Variants in MYO3A observed in about 807,000 individuals in gnomAD.
MYO3A encodes myosin IIIA, also known as myosin-IIIa.
In MYO3A, 180 loss-of-function variants were observed where a neutral mutation model predicts 192.7. That is an observed-to-expected ratio of 0.93 (90% confidence interval 0.83 to 1.06). The LOEUF (loss-of-function observed/expected upper bound fraction) is 1.06, where lower values mean the gene tolerates loss of function less well. Among genes scored for constraint, MYO3A ranks in the 50% least tolerant of loss-of-function variants. The probability of loss-of-function intolerance (pLI) is 0.00; values close to 1 mark genes in which losing one functional copy is unlikely to be tolerated. For synonymous variants in MYO3A, 628 were observed against 645.3 expected (o/e 0.97, Z 0.41); for missense variants, 1,896 against 1,905.0 (o/e 1.00, Z 0.09).
intron 14 of MYO3A, among the ~76,000 whole-genome samples, chr10:26,079,869 G>A (rs1416724850): frequency 1.3e-5 from 2 of 152,172 alleles, no homozygotes; most frequent in Non-Finnish European, 2.9e-5. Context: ...TAGCTTGTAA[G>A]GTTTCTGCTG....
intron 4 of MYO3A, among the ~76,000 whole-genome samples, chr10:25,957,746 C>T (rs1837648113): frequency 6.6e-6 from 1 of 152,166 alleles, no homozygotes; most frequent in African/African-American, 2.4e-5. Context: ...TGAAACCTCA[C>T]CAATATCTGT....
intron 2 of MYO3A, among the ~76,000 whole-genome samples, chr10:25,943,833 C>G (rs1483617186): frequency 6.8e-6 from 1 of 147,048 alleles, no homozygotes; most frequent in Non-Finnish European, 1.5e-5. Flanking sequence ...CATATAAGAT[C>G]AAATAGTCTG....
At chr10:26,189,869 G>A (rs543849709) in intron 31 of MYO3A, among the ~76,000 whole-genome samples, 1 of 151,920 alleles carries the variant, frequency 6.6e-6, no homozygotes, top group Non-Finnish European at 1.5e-5. Flanking sequence ...TCGAGACCAG[G>A]CTGGCTAACA....
intron 34 of MYO3A, 108 bp from the exon 35 acceptor site, chr10:26,211,735 G>C: frequency 1.3e-6 from 2 of 1,531,860 alleles, no homozygotes; most frequent in Non-Finnish European, 1.8e-6. Flanking sequence ...CTAAATGTCC[G>C]CGGTTGGCAG....
intron 4 of MYO3A, among the ~76,000 whole-genome samples, chr10:25,968,623 A>C (rs1423943508): frequency 6.6e-6 from 1 of 152,234 alleles, no homozygotes; most frequent in East Asian, 1.9e-4. Context: ...CAGAGGAGGA[A>C]AATTGGAAGT....
intron 17 of MYO3A, among the ~76,000 whole-genome samples, chr10:26,108,728 C>T (rs969911044): frequency 3.3e-5 from 5 of 152,182 alleles, no homozygotes; most frequent in Non-Finnish European, 7.3e-5. Flanking sequence ...TCAGTCTTGC[C>T]TTCTCTTTGA....
chr10:26,168,556 C>G (rs1286550276), intron 27 of MYO3A, among the ~76,000 whole-genome samples, 156 bp from the exon 28 acceptor site: 1 of 152,170 alleles, frequency 6.6e-6, no homozygotes, highest in Non-Finnish European at 1.5e-5. Context: ...GCATAAAAAT[C>G]TGTACTGTCA....
chr10:25,973,464 C>A (rs768339193), intron 4 of MYO3A, among the ~76,000 whole-genome samples: 2 of 152,004 alleles, frequency 1.3e-5, no homozygotes, highest in African/African-American at 2.4e-5. Context: ...ATTCAAATAC[C>A]CTTTATTTCT....
In MYO3A at chr10:26,142,688, A is replaced by C. The variant is rs1027622122; in HGVS notation, c.2263-760A>C. Among the ~76,000 whole-genome samples, 13 of 152,154 alleles carry C rather than the reference A, an allele frequency of 8.5e-5. 1 individual carries two copies. The highest frequency in any genetic ancestry group is 7.9e-4 in the Admixed American group (12 of 15,270). On this transcript the variant is annotated intron_variant, in intron 20 of 34. Coordinates refer to ENST00000642920, the MANE Select transcript of MYO3A (RefSeq NM_017433.5). ...CAAGTGGCAGAGCCGAGATGAACCTATGTGTCCTTGGTTCTAAATCCACTG... is the reference window on the plus strand; with the variant it reads ...CAAGTGGCAGAGCCGAGATGAACCTCTGTGTCCTTGGTTCTAAATCCACTG...
At chr10:25,964,274 A>G (rs74129517) in intron 4 of MYO3A, among the ~76,000 whole-genome samples, 2,771 of 152,280 alleles carry the variant, frequency 0.018, 95 homozygotes, top group African/African-American at 0.063. Context: ...TAGTTTACAC[A>G]TTGGAAAAGG....
chr10:26,133,998 A>G (rs892492349), intron 20 of MYO3A, among the ~76,000 whole-genome samples: 1 of 152,236 alleles, frequency 6.6e-6, no homozygotes, highest in Admixed American at 6.5e-5. Context: ...ATGCCTCCTT[A>G]TTCTAAGCTG....
At chr10:25,960,876 T>G (rs1837888327) in intron 4 of MYO3A, among the ~76,000 whole-genome samples, 1 of 152,178 alleles carries the variant, frequency 6.6e-6, no homozygotes, top group South Asian at 2.1e-4. Flanking sequence ...ACTGCATTTT[T>G]TATTTCTCTA....
intron 2 of MYO3A, among the ~76,000 whole-genome samples, chr10:25,942,737 A>G (rs762923487): frequency 1.3e-5 from 2 of 150,318 alleles, no homozygotes; most frequent in South Asian, 2.1e-4. Flanking sequence ...GACCATTTGT[A>G]TATATTATTT....
chr10:26,175,264 A>G lies in MYO3A; in HGVS notation c.4293+707A>G, dbSNP rs557269018. Among the ~76,000 whole-genome samples the G allele has an allele frequency of 7.2e-5, 11 of 152,334 alleles. 1 individual carries two copies. In the East Asian group the frequency reaches 1.9e-3, roughly 27 times the overall value. On this transcript the variant is annotated intron_variant, in intron 30 of 34. Transcript: ENST00000642920. ...AATTTATCTCCTATAAATTGGTGCT[A>G]TGGAAAGATCGCAAGAACCGGCTTC...
intron 14 of MYO3A, among the ~76,000 whole-genome samples, chr10:26,071,785 G>C (rs1189123678): frequency 6.6e-6 from 1 of 152,142 alleles, no homozygotes; most frequent in Admixed American, 6.5e-5. Context: ...AGTATCATTT[G>C]GGAATGCAAG....
intron 15 of MYO3A, among the ~76,000 whole-genome samples, chr10:26,089,822 C>G (rs933240731): frequency 2.0e-5 from 3 of 152,064 alleles, no homozygotes; most frequent in Admixed American, 6.5e-5. Flanking sequence ...ACCTACCTAT[C>G]AATTAAGACA....
chr10:26,096,725 T>C (rs752990475), intron 17 of MYO3A, 43 bp downstream of exon 17: 5 of 1,302,644 alleles, frequency 3.8e-6, no homozygotes. Flanking sequence ...AAGTATCTTT[T>C]TATCATCACT....
At chr10:26,099,227 A>G (rs1837268080) in intron 17 of MYO3A, among the ~76,000 whole-genome samples, 1 of 152,156 alleles carries the variant, frequency 6.6e-6, no homozygotes, top group South Asian at 2.1e-4. Context: ...TTATTGGTAT[A>G]TAGGAATGGT....
At chr10:26,027,877 C>T (rs187263733) in intron 10 of MYO3A, among the ~76,000 whole-genome samples, 7 of 152,232 alleles carry the variant, frequency 4.6e-5, no homozygotes, top group Admixed American at 1.3e-4. Context: ...GTGTAATGAA[C>T]AGTTGTACAT....
Sources: gnomAD v4.1 joint callset for allele counts (sites outside exome capture counted in the v4.1 genomes callset) on GRCh38, gnomAD v4.1.1 for gene constraint, MANE v1.5 for transcripts, NCBI Gene and HGNC (gene_info 2026-07-23, HGNC 2026-07-21) for gene names.